Variants in SLC8A1 observed in about 807,000 individuals in gnomAD.
SLC8A1 encodes sodium/calcium exchanger 1.
In SLC8A1, 18 loss-of-function variants were observed where a neutral mutation model predicts 68.3. The ratio of observed to expected loss-of-function variants is 0.26; its 90% CI spans 0.18 to 0.39. The LOEUF (loss-of-function observed/expected upper bound fraction) is 0.39. Among genes scored for constraint, SLC8A1 ranks in the 10% least tolerant of loss-of-function variants. The pLI, the probability that SLC8A1 is intolerant of heterozygous loss-of-function variation, is 1.00. For missense variants in SLC8A1, 985 were observed against 1,156.7 expected (o/e 0.85, Z 2.15); for synonymous variants, 475 against 415.5 (o/e 1.14, Z -1.74).
exon 8 of SLC8A1, chr2:40,114,682 G>C (rs1470457251): frequency 6.6e-6 from 1 of 152,472 alleles, no homozygotes; most frequent in African/African-American, 2.4e-5. Context: ...TCACATTCCG[G>C]AGATAAGCAT....
intron 2 of SLC8A1, among the ~76,000 whole-genome samples, chr2:40,209,471 A>G (rs1482369643): frequency 6.6e-6 from 1 of 152,140 alleles, no homozygotes; most frequent in Non-Finnish European, 1.5e-5. Flanking sequence ...CACATGGGCC[A>G]TGTAGACTCT....
chr2:40,145,099 G>A (rs1211286998), intron 6 of SLC8A1, among the ~76,000 whole-genome samples: 2 of 152,064 alleles, frequency 1.3e-5, no homozygotes, highest in East Asian at 3.9e-4. Flanking sequence ...TAGTAAGATG[G>A]TAACCACTGC....
rs1365548824 is a variant in SLC8A1 at position 40,444,919 on chromosome 2, C to A, written c.-25+6985G>T. ...TCAGCTCTCTGATCTTCGGTATATG[C>A]CATTTTGCGTGTACTTATCTTCCTT... On this transcript the variant is annotated intron_variant, in intron 1 of 7. Transcript: ENST00000406785. Among the ~76,000 whole-genome samples, 5 of 152,134 alleles carry A rather than the reference C, an allele frequency of 3.3e-5. No homozygotes were observed. The East Asian group carries it at 5.8e-4, about 18-fold the overall frequency.
At chr2:40,375,586 A>G (rs1187998313) in intron 2 of SLC8A1, among the ~76,000 whole-genome samples, 1 of 152,152 alleles carries the variant, frequency 6.6e-6, no homozygotes, top group African/African-American at 2.4e-5. Flanking sequence ...AGATAGAATT[A>G]AGTAAAGTTG....
At chr2:40,275,884 T>C (rs1483517129) in intron 2 of SLC8A1, among the ~76,000 whole-genome samples, 1 of 152,164 alleles carries the variant, frequency 6.6e-6, no homozygotes, top group Non-Finnish European at 1.5e-5. Flanking sequence ...TATTCCAGGC[T>C]TGAGGGCTGA....
rs1262814199 is a variant in SLC8A1 at position 40,257,960 on chromosome 2, G to A, written c.1809-80105C>T. ...GACAGGAGTAGAGTGAGGAGGAAAG[G>A]AGAATGGCGGGTGCCTGCTCTGACA... On this transcript the variant is annotated intron_variant, in intron 2 of 7. Transcript: ENST00000406785. Among the ~76,000 whole-genome samples, 7 of 152,314 alleles carry A rather than the reference G, an allele frequency of 4.6e-5. No individual in the cohort carries two copies. In the East Asian group the frequency reaches 1.4e-3, roughly 29 times the overall value.
At chr2:40,310,765 T>A in intron 2 of SLC8A1, among the ~76,000 whole-genome samples, 1 of 152,202 alleles carries the variant, frequency 6.6e-6, no homozygotes, top group South Asian at 2.1e-4. Context: ...TTTTCCACAA[T>A]AGCTCACTGC....
At chr2:40,272,231 A>T (rs533689811) in intron 2 of SLC8A1, among the ~76,000 whole-genome samples, 1 of 152,252 alleles carries the variant, frequency 6.6e-6, no homozygotes, top group Non-Finnish European at 1.5e-5. Context: ...TCATTTATTC[A>T]TTAATCCATT....
exon 8 of SLC8A1, chr2:40,112,927 A>G (rs1271376098): frequency 6.6e-6 from 1 of 152,340 alleles, no homozygotes; most frequent in Non-Finnish European, 1.5e-5. Context: ...TATAAATACA[A>G]TTTGGACAAT....
intron 2 of SLC8A1, among the ~76,000 whole-genome samples, chr2:40,181,372 G>T (rs1651354): frequency 0.78 from 118,655 of 152,186 alleles, 46,923 homozygotes; most frequent in Middle Eastern, 0.85. Context: ...CATATCCCTA[G>T]TCATAGGATC....
At chr2:40,396,538 C>T (rs988561749) in intron 2 of SLC8A1, among the ~76,000 whole-genome samples, 7 of 151,794 alleles carry the variant, frequency 4.6e-5, no homozygotes, top group African/African-American at 1.7e-4. Flanking sequence ...TGCATCAAAG[C>T]ATAACACGCA....
intron 2 of SLC8A1, among the ~76,000 whole-genome samples, chr2:40,352,138 T>C (rs1448875336): frequency 1.3e-5 from 2 of 152,210 alleles, no homozygotes; most frequent in Non-Finnish European, 2.9e-5. Flanking sequence ...TATCCAGTTT[T>C]CTTCTTTTAA....
chr2:40,303,928 C>T (rs1179157553), intron 2 of SLC8A1, among the ~76,000 whole-genome samples: 1 of 152,170 alleles, frequency 6.6e-6, no homozygotes, highest in Non-Finnish European at 1.5e-5. Context: ...AGACAATTCT[C>T]CTTTTTCTTT....
intron 2 of SLC8A1, among the ~76,000 whole-genome samples, chr2:40,306,106 T>A (rs2072536638): frequency 6.6e-6 from 1 of 152,138 alleles, no homozygotes; most frequent in African/African-American, 2.4e-5. Flanking sequence ...GCATTTGACA[T>A]CTCACCATGC....
chr2:40,247,636 T>C (rs576937364), intron 2 of SLC8A1, among the ~76,000 whole-genome samples: 1 of 152,328 alleles, frequency 6.6e-6, no homozygotes, highest in South Asian at 2.1e-4. Flanking sequence ...TTTTAATCAC[T>C]GCAGTTTATA....
Position 40,463,926 on chromosome 2 carries a change from G to A in SLC8A1, c.-24-33622C>T, listed in dbSNP as rs72953151. On this transcript the variant is annotated intron_variant, in intron 1 of 7. Transcript: ENST00000402441. ...GAGAGAGACAGATTGATGGTGTCTC[G>A]CTCTGTTTCCCAGGCTAGAATGAAG... 7.3e-3 allele frequency among the ~76,000 whole-genome samples: 1,048 copies of A among 143,304 alleles called. 15 individuals carry two copies. Among genetic ancestry groups the A allele is most frequent in the African/African-American group, 0.026 (990 of 38,724 alleles). The allele number at this position is 143,304 out of a possible 152,430, so 94.0% of individuals were successfully genotyped here. A position where few individuals can be genotyped will look rare whatever the true frequency, so the allele number is the denominator to read the frequency against.
At chr2:40,220,963 A>G (rs2058244748) in intron 2 of SLC8A1, among the ~76,000 whole-genome samples, 1 of 152,120 alleles carries the variant, frequency 6.6e-6, no homozygotes, top group Admixed American at 6.5e-5. Context: ...AGGAGCTGGT[A>G]CCATCACTTC....
intron 2 of SLC8A1, among the ~76,000 whole-genome samples, chr2:40,282,919 G>A (rs957068283): frequency 8.5e-5 from 13 of 152,076 alleles, no homozygotes; most frequent in Non-Finnish European, 1.5e-4. Flanking sequence ...TCATTTATTC[G>A]TCTGTATAGT....
intron 2 of SLC8A1, among the ~76,000 whole-genome samples, chr2:40,399,603 C>T (rs1487344612): frequency 6.6e-6 from 1 of 152,114 alleles, no homozygotes; most frequent in Non-Finnish European, 1.5e-5. Context: ...CATCTAAATG[C>T]TCCCTAGGGG....
Sources: allele counts gnomAD v4.1 joint callset (sites outside exome capture counted in the v4.1 genomes callset), GRCh38; gene constraint gnomAD v4.1.1; transcripts MANE v1.5; gene names NCBI Gene and HGNC (gene_info 2026-07-23, HGNC 2026-07-21).